HSD17B3: variants seen among roughly 807,000 people sequenced by gnomAD.
HSD17B3 encodes 17-beta-hydroxysteroid dehydrogenase type 3.
In HSD17B3, 29 loss-of-function variants were observed where a neutral mutation model predicts 41.1. That is an observed-to-expected ratio of 0.71 (90% CI 0.53 to 0.96). The LOEUF (loss-of-function observed/expected upper bound fraction) is 0.96. HSD17B3 is among the 40% of genes least tolerant of loss of function. The pLI is 0.00. For synonymous variants in HSD17B3, 126 were observed against 145.6 expected (o/e 0.87, Z 0.97); for missense variants, 323 against 374.6 (o/e 0.86, Z 1.14).
intron 2 of HSD17B3, among the ~76,000 whole-genome samples, chr9:96,273,158 T>C (rs1490304381): frequency 6.6e-6 from 1 of 152,202 alleles, no homozygotes; most frequent in Non-Finnish European, 1.5e-5. Flanking sequence ...AACCTGATTG[T>C]AATATTGTAC....
chr9:96,235,579 G>A lies in HSD17B3; in HGVS notation c.823-9C>T. ...AGGCTCAGAAAGCCCGCCTTAAACA[G>A]AGAGAAGCATCAGTGTTGGGGAGGA... is the stretch of plus-strand genomic sequence containing the variant. On this transcript the variant is annotated splice_polypyrimidine_tract_variant and intron_variant, in intron 10 of 10. Transcript: ENST00000375263. 6.2e-7 allele frequency: 1 copy of A among 1,609,152 alleles called. No homozygotes were observed. The highest frequency in any genetic ancestry group is 8.5e-7 in the Non-Finnish European group (1 of 1,175,900).
chr9:96,279,661 C>A (rs1447276314), intron 2 of HSD17B3, among the ~76,000 whole-genome samples: 1 of 152,084 alleles, frequency 6.6e-6, no homozygotes, highest in Non-Finnish European at 1.5e-5. Context: ...CTTTGCAGGG[C>A]CATTTCAAAA....
At chr9:96,243,795 A>T (rs1176434127) in intron 9 of HSD17B3, among the ~76,000 whole-genome samples, 2 of 152,090 alleles carry the variant, frequency 1.3e-5, no homozygotes, top group African/African-American at 4.8e-5. Context: ...TGTGGAAGGG[A>T]AGCAGAGTGC....
At chr9:96,239,971 C>A (rs280662) in intron 10 of HSD17B3, 134,713 of 151,968 alleles carry the variant, frequency 0.89, 59,985 homozygotes, top group African/African-American at 0.97. Flanking sequence ...CTAACACAGA[C>A]ACAGAAAACC....
At chr9:96,250,913 A>G (rs1320068819) in intron 5 of HSD17B3, among the ~76,000 whole-genome samples, 1 of 151,784 alleles carries the variant, frequency 6.6e-6, no homozygotes, top group Non-Finnish European at 1.5e-5. Context: ...GAACTGTTAA[A>G]TCCATTAAAA....
intron 2 of HSD17B3, among the ~76,000 whole-genome samples, chr9:96,284,062 A>G (rs954974895): frequency 6.6e-6 from 1 of 151,930 alleles, no homozygotes; most frequent in African/African-American, 2.4e-5. Flanking sequence ...TACTAAAAAT[A>G]CAAAAAAAAA....
At chr9:96,291,236 G>C (rs990479812) in intron 2 of HSD17B3, among the ~76,000 whole-genome samples, 1 of 152,008 alleles carries the variant, frequency 6.6e-6, no homozygotes, top group Non-Finnish European at 1.5e-5. Flanking sequence ...CCAGTGGAAC[G>C]AGGCCACCTC....
In HSD17B3 at chr9:96,276,213, C is replaced by T. The variant is rs8190526; in HGVS notation, c.202-21270G>A. On this transcript the variant is annotated intron_variant, in intron 2 of 10. Coordinates refer to ENST00000375263, the MANE Select transcript of HSD17B3 (RefSeq NM_000197.2). The stretch of plus-strand genomic sequence containing the variant: ...GGAATGAACTGGTAAAAGACTTGTA[C>T]GCTAAAATTTATAAAACATTAATGA... Among the ~76,000 whole-genome samples, 1,022 of 148,950 alleles carry T rather than the reference C, an allele frequency of 6.9e-3. 14 individuals carry two copies. The highest frequency in any genetic ancestry group is 0.024 in the African/African-American group (973 of 40,384).
chr9:96,248,601 T>G (rs1000900582), intron 6 of HSD17B3, among the ~76,000 whole-genome samples: 1 of 152,122 alleles, frequency 6.6e-6, no homozygotes, highest in South Asian at 2.1e-4. Flanking sequence ...GTGAATGTTG[T>G]GTACTGAGCA....
In HSD17B3 at chr9:96,301,952, T is replaced by C; in HGVS notation, c.153A>G (p.Ala51=). The C allele has an allele frequency of 6.2e-7, 1 of 1,613,944 alleles. No homozygotes were observed. The highest frequency in any genetic ancestry group is 2.2e-5 in the East Asian group (1 of 44,866). Residue 51 remains alanine, a splice_region_variant and synonymous_variant, in exon 1 of 11, where the codon GCA becomes GCG. Transcript: ENST00000375263. Reference sequence around the variant, plus strand: ...ACATGAGATGGAACACTCCCTTACCTGCCCACTGTCCCATTGACCGCAAGA... The same window carrying C: ...ACATGAGATGGAACACTCCCTTACCCGCCCACTGTCCCATTGACCGCAAGA... ...KSFLRSMGQW[A]VITGAGDGIG...
chr9:96,289,306 C>T (rs1038690228), intron 2 of HSD17B3, among the ~76,000 whole-genome samples: 1 of 151,900 alleles, frequency 6.6e-6, no homozygotes, highest in African/African-American at 2.4e-5. Flanking sequence ...ACCATCTGCT[C>T]AATTTTTCTA....
intron 2 of HSD17B3, among the ~76,000 whole-genome samples, chr9:96,286,703 A>AAAAC (rs1826934169): frequency 1.3e-5 from 1 of 78,398 alleles, no homozygotes. Flanking sequence ...AAAAAAAAAC[A>AAAAC]AAAAAAAAAC....
chr9:96,242,684 G>C (rs1385611920), intron 9 of HSD17B3, among the ~76,000 whole-genome samples: 1 of 152,082 alleles, frequency 6.6e-6, no homozygotes, highest in Non-Finnish European at 1.5e-5. Flanking sequence ...TCTGCATCAG[G>C]GAAGGGACAA....
chr9:96,263,783 A>C (rs1825949165), intron 2 of HSD17B3, among the ~76,000 whole-genome samples: 1 of 151,970 alleles, frequency 6.6e-6, no homozygotes, highest in South Asian at 2.1e-4. Flanking sequence ...AAGAATAGTC[A>C]TTTTCTGAGG....
intron 9 of HSD17B3, 32 bp downstream of exon 9, chr9:96,244,297 G>A: frequency 3.7e-6 from 6 of 1,609,374 alleles, no homozygotes; most frequent in Non-Finnish European, 5.1e-6. Context: ...TCACCTGGAT[G>A]ATGACAAGGA....
intron 2 of HSD17B3, among the ~76,000 whole-genome samples, chr9:96,295,887 G>A (rs893269053): frequency 2.6e-5 from 4 of 152,096 alleles, no homozygotes; most frequent in Non-Finnish European, 4.4e-5. Context: ...ACACTTGGAG[G>A]TAAGGCTTTC....
chr9:96,279,125 C>A (rs1224335880), intron 2 of HSD17B3, among the ~76,000 whole-genome samples: 1 of 152,206 alleles, frequency 6.6e-6, no homozygotes, highest in Non-Finnish European at 1.5e-5. Flanking sequence ...AGATATTACA[C>A]CTGTAAATCA....
At chr9:96,264,120 C>T (rs959146327) in intron 2 of HSD17B3, among the ~76,000 whole-genome samples, 1 of 151,870 alleles carries the variant, frequency 6.6e-6, no homozygotes, top group Admixed American at 6.6e-5. Context: ...CTTTTATTTG[C>T]CATTTAAAAA....
At chr9:96,287,940 A>AT (rs1826990599) in intron 2 of HSD17B3, among the ~76,000 whole-genome samples, 1 of 152,144 alleles carries the variant, frequency 6.6e-6, no homozygotes, top group Admixed American at 6.6e-5. Context: ...AATGGAGTAT[A>AT]TCCATACAAT....
Sources: gnomAD v4.1 joint callset for allele counts (sites outside exome capture counted in the v4.1 genomes callset) on GRCh38, gnomAD v4.1.1 for gene constraint, MANE v1.5 for transcripts, NCBI Gene and HGNC (gene_info 2026-07-23, HGNC 2026-07-21) for gene names.